SAMD11: variants seen among roughly 807,000 people sequenced by gnomAD.
SAMD11 encodes sterile alpha motif domain containing 11, also known as sterile alpha motif domain-containing protein 11.
A neutral mutation model predicts 64.4 loss-of-function variants in SAMD11; 77 were observed. That is an observed-to-expected ratio of 1.20 (90% CI 0.99 to 1.44). SAMD11 has a LOEUF of 1.44. Ranked by LOEUF, SAMD11 falls within the 40% of genes most tolerant of loss-of-function variation. The pLI is 0.00. For synonymous variants in SAMD11, 658 were observed against 421.9 expected (o/e 1.56, Z -6.86); for missense variants, 1,402 against 943.3 (o/e 1.49, Z -6.37).
chr1:942,819 C>G lies in SAMD11; in HGVS notation c.1814C>G (p.Ala605Gly), dbSNP rs748489927. 1 of 1,548,188 alleles carries G rather than the reference C, an allele frequency of 6.5e-7. No homozygotes were observed. The change falls in exon 11 of 14, where the codon GCG (alanine) becomes GGG (glycine). Residue 605 changes from alanine to glycine, a missense_variant. Ala to Gly is a moderately conservative substitution (Grantham distance 60). Transcript: ENST00000616016. ...AAGGGGGGTCCCGGCCCTGCCTCAG[C>G]GCGGCCCAGCGAGTCCAAGGAGATG... Reference protein sequence around the residue: ...PRKGGPGPASARPSESKEMTG... With the variant: ...PRKGGPGPASGRPSESKEMTG...
Position 935,713 on chromosome 1 carries a change from G to A in SAMD11, c.843-59G>A, listed in dbSNP as rs1250282082. On this transcript the variant is annotated intron_variant, in intron 4 of 13. Transcript: ENST00000616016. ...AGAGCTAGGCACTCCCTGTGCCCAG[G>A]CTGGGCTCCAGCCTCGCAGCTGCCC... 5.0e-6 allele frequency: 8 copies of A among 1,607,306 alleles called. No homozygotes were observed. In the Admixed American group the frequency reaches 1.0e-4, roughly 20 times the overall value.
Position 943,245 on chromosome 1 carries a change from C to T in SAMD11, c.2054-8C>T. ...GCCAGAGCCCTAGTAACACGCCCCA[C>T]AACTCAGGCGCGGTAGGGGGACTCT... On this transcript the variant is annotated splice_region_variant and splice_polypyrimidine_tract_variant and intron_variant, in intron 11 of 13. Coordinates refer to ENST00000616016, the MANE Select transcript of SAMD11 (RefSeq NM_001385641.1). The T allele has an allele frequency of 6.2e-7, 1 of 1,612,828 alleles. No individual in the cohort carries two copies. The highest frequency in any genetic ancestry group is 8.5e-7 in the Non-Finnish European group (1 of 1,179,800).
intron 4 of SAMD11, among the ~76,000 whole-genome samples, chr1:933,995 G>A (rs1418742447): frequency 6.9e-6 from 1 of 144,128 alleles, no homozygotes; most frequent in Non-Finnish European, 1.5e-5. Flanking sequence ...AGGCGGCTGC[G>A]TTACAGGTGG....
At chr1:925,197 C>CGAGGCTCCTGGGCCTT (rs1640817707) in intron 1 of SAMD11, 1 of 152,278 alleles carries the variant, frequency 6.6e-6, no homozygotes, top group Non-Finnish European at 1.5e-5. Flanking sequence ...AAGGTCTCTG[C>CGAGGCTCCTGGGCCTT]GAGGCTCCTG....
chr1:941,485 G>A (rs1213714900), intron 8 of SAMD11, among the ~76,000 whole-genome samples, 179 bp downstream of exon 8: 1 of 152,024 alleles, frequency 6.6e-6, no homozygotes, highest in Non-Finnish European at 1.5e-5. Context: ...GGCGCCACTG[G>A]GGTGCGTGAG....
At chr1:929,571 G>A (rs887434687) in intron 2 of SAMD11, among the ~76,000 whole-genome samples, 1 of 152,214 alleles carries the variant, frequency 6.6e-6, no homozygotes, top group African/African-American at 2.4e-5. Flanking sequence ...GGCAGGGTGT[G>A]GTGGGCAGAA....
rs1233918737 is a variant in SAMD11, at chr1:924,579, G to C, written c.148G>C (p.Ala50Pro). 1 of 150,856 alleles carries C rather than the reference G, an allele frequency of 6.6e-6. No homozygotes were observed. The highest frequency in any genetic ancestry group is 6.6e-5 in the Admixed American group (1 of 15,102). 9.3% of individuals were successfully genotyped at this position (150,856 alleles called of 1,614,324 possible). ...LPAAAALPPA[A>P]SLPASAAGYE... is the part of the protein sequence containing the mutation. Reference sequence around the variant, plus strand: ...CGCGGCGGCCGCCCTCCCCCCGGCCGCCTCGCTGCCCGCCTCGGCCGCCGG... The same window carrying C: ...CGCGGCGGCCGCCCTCCCCCCGGCCCCCTCGCTGCCCGCCTCGGCCGCCGG... Residue 50 changes from alanine to proline, a missense_variant, in exon 1 of 14, where the codon GCC (alanine) becomes CCC (proline). Physicochemically the swap from Ala to Pro is conservative, Grantham distance 27. Coordinates refer to ENST00000616016, the MANE Select transcript of SAMD11 (RefSeq NM_001385641.1).
chr1:926,999 G>C (rs929119251), intron 2 of SAMD11, among the ~76,000 whole-genome samples: 8 of 152,016 alleles, frequency 5.3e-5, no homozygotes, highest in Admixed American at 5.2e-4. Context: ...CATGAGTGCC[G>C]TAGCCAGGGA....
rs773222055 is a variant in SAMD11, at chr1:930,331, G to T, written c.786G>T (p.Lys262Asn). ...ATGGTCCGCACATCCGTATCATGAAGAGAAGGTACTTGGACCAGGGCCGGA... is the reference window on the plus strand; with the variant it reads ...ATGGTCCGCACATCCGTATCATGAATAGAAGGTACTTGGACCAGGGCCGGA... Reference protein sequence around the residue: ...QEDGPHIRIMKRRVHTHWDVN... With the variant: ...QEDGPHIRIMNRRVHTHWDVN... The change falls in exon 3 of 14, where the codon AAG (lysine) becomes AAT (asparagine). Residue 262 changes from lysine to asparagine, a missense_variant. Transcript: ENST00000616016. 6.2e-7 allele frequency: 1 copy of T among 1,602,758 alleles called. No individual in the cohort carries two copies. Among genetic ancestry groups the T allele is most frequent in the East Asian group, 2.2e-5 (1 of 44,462 alleles).
chr1:928,831 G>A (rs988889728), intron 2 of SAMD11, among the ~76,000 whole-genome samples: 2 of 152,240 alleles, frequency 1.3e-5, no homozygotes, highest in Admixed American at 6.5e-5. Context: ...TTGGGGAGGG[G>A]GCACTGCCCA....
intron 4 of SAMD11, among the ~76,000 whole-genome samples, chr1:935,204 CG>C (rs1256462588): frequency 6.6e-6 from 1 of 152,120 alleles, no homozygotes; most frequent in Non-Finnish European, 1.5e-5. Flanking sequence ...GGGGGGACAG[CG>C]GGAGGTTGGA....
rs1641886767 is a variant in SAMD11, at chr1:942,982, C to T, written c.1977C>T (p.Ala659=). The stretch of plus-strand genomic sequence containing the variant: ...AAGCTCCAGCTGGAGGGGCCGGCGC[C>T]GAGGGGAAGGGGCTTTTCCCAGGGT... The part of the protein sequence containing the change: ...PGQAPAGGAG[A]EGKGLFPGST... The change falls in exon 11 of 14, where the codon GCC becomes GCT. Residue 659 remains alanine, a synonymous_variant. Transcript: ENST00000616016. 1 of 1,537,470 alleles carries T rather than the reference C, an allele frequency of 6.5e-7. No individual in the cohort carries two copies. Among genetic ancestry groups the T allele is most frequent in the Non-Finnish European group, 8.7e-7 (1 of 1,144,668 alleles).
chr1:943,571 C>T (rs376029592), intron 12 of SAMD11, 127 bp from the exon 13 acceptor site: 4 of 898,332 alleles, frequency 4.5e-6, no homozygotes, highest in South Asian at 2.1e-5. Context: ...CTGCCTGACA[C>T]TCAAACCCAA....
At chr1:928,197 T>A (rs529805165) in intron 2 of SAMD11, among the ~76,000 whole-genome samples, 3 of 151,808 alleles carry the variant, frequency 2.0e-5, no homozygotes, top group South Asian at 2.1e-4. Flanking sequence ...ATCGAGACCA[T>A]CCTGACTAAC....
chr1:927,237 A>G (rs1247340965), intron 2 of SAMD11, among the ~76,000 whole-genome samples: 1 of 152,266 alleles, frequency 6.6e-6, no homozygotes, highest in East Asian at 1.9e-4. Context: ...CAAGAGGCCC[A>G]GTTCCCTCCT....
At chr1:941,959 C>T in intron 8 of SAMD11, 177 bp from the exon 9 acceptor site, 1 of 362,308 alleles carries the variant, frequency 2.8e-6, no homozygotes, top group Non-Finnish European at 4.9e-6. Context: ...GCGCCGCCGC[C>T]GAGATTAATT....
At chr1:928,079 T>C (rs551337863) in intron 2 of SAMD11, among the ~76,000 whole-genome samples, 4 of 152,318 alleles carry the variant, frequency 2.6e-5, no homozygotes, top group East Asian at 3.9e-4. Flanking sequence ...GAGCAAAGCA[T>C]TGTGTCTTCT....
Position 928,381 on chromosome 1 carries a change from GACTCCGTCT to G in SAMD11, c.610-1773_610-1765del, listed in dbSNP as rs1469665506. Among the ~76,000 whole-genome samples the G allele has an allele frequency of 8.3e-4, 126 of 152,326 alleles. 1 individual carries two copies. Among genetic ancestry groups the G allele is most frequent in the African/African-American group, 3.0e-3 (124 of 41,572 alleles). ...CACTCCAGCCTGGGCAACAGAGTGAGACTCCGTCTCAAAAAACTAAAAAAGAAGAGAGGT... is the reference window on the plus strand; with the variant it reads ...CACTCCAGCCTGGGCAACAGAGTGAGCAAAAAACTAAAAAAGAAGAGAGGT... On this transcript the variant is annotated intron_variant, in intron 2 of 13. Coordinates refer to ENST00000616016, the MANE Select transcript of SAMD11 (RefSeq NM_001385641.1).
Position 930,159 on chromosome 1 carries a change from G to A in SAMD11, c.614G>A (p.Arg205Gln), listed in dbSNP as rs1437750340. ...CCTCTCCTCCTGCCCCACCAGAACC[G>A]GGGGCGGCTGGCAGACAAGAGGACA... ...PGCRISSPVN[R>Q]GRLADKRTVA... The change falls in exon 3 of 14, where the codon CGG (arginine) becomes CAG (glutamine). Residue 205 changes from arginine to glutamine, a missense_variant. Transcript: ENST00000616016. The A allele has an allele frequency of 3.2e-6, 5 of 1,554,084 alleles. No individual in the cohort carries two copies. Among genetic ancestry groups the A allele is most frequent in the Non-Finnish European group, 4.4e-6 (5 of 1,149,140 alleles).
Sources: gnomAD v4.1 joint callset for allele counts (sites outside exome capture counted in the v4.1 genomes callset) on GRCh38, gnomAD v4.1.1 for gene constraint, MANE v1.5 for transcripts, NCBI Gene and HGNC (gene_info 2026-07-23, HGNC 2026-07-21) for gene names.